Variants in ANKRD11 observed in about 807,000 individuals in gnomAD.
ANKRD11 encodes ankyrin repeat domain 11, also known as ankyrin repeat domain-containing protein 11.
Under a neutral mutation model 195.7 loss-of-function variants are expected in ANKRD11, and 17 were observed. The ratio of observed to expected loss-of-function variants is 0.09; its 90% CI spans 0.06 to 0.13. The LOEUF (loss-of-function observed/expected upper bound fraction) is 0.13. ANKRD11 is among the 10% of genes least tolerant of loss of function. The pLI is 1.00. For synonymous variants in ANKRD11, 1,953 were observed against 1,528.1 expected (o/e 1.28, Z -6.49); for missense variants, 3,735 against 3,566.1 (o/e 1.05, Z -1.21).
intron 1 of ANKRD11, among the ~76,000 whole-genome samples, chr16:89,474,192 C>T (rs2057180345): frequency 6.6e-6 from 1 of 152,156 alleles, no homozygotes; most frequent in Non-Finnish European, 1.5e-5. Context: ...CACAGTCCCA[C>T]CCAACACCTA....
At position 89,401,081 on chromosome 16, in the gene ANKRD11, C is replaced by G. The variant is rs71396913; in HGVS notation, c.-60+17203G>C. On this transcript the variant is annotated intron_variant, in intron 2 of 12. Transcript: ENST00000301030. Reference sequence around the variant, plus strand: ...GTTGTCTCAGTAATGTTATATATTTCTCTCTCCCCCCCACCCGCCCTCCCC... The same window carrying G: ...GTTGTCTCAGTAATGTTATATATTTGTCTCTCCCCCCCACCCGCCCTCCCC... Among the ~76,000 whole-genome samples, 17 of 150,946 alleles carry G rather than the reference C, an allele frequency of 1.1e-4. No homozygotes were observed. The East Asian group carries it at 3.2e-3, about 28-fold the overall frequency.
intron 2 of ANKRD11, among the ~76,000 whole-genome samples, chr16:89,379,213 G>A (rs2040544798): frequency 6.6e-6 from 1 of 152,238 alleles, no homozygotes; most frequent in Admixed American, 6.5e-5. Flanking sequence ...TAGAAGGGGT[G>A]CACACCGTCT....
At chr16:89,437,126 C>T (rs761288084) in intron 1 of ANKRD11, among the ~76,000 whole-genome samples, 1 of 152,156 alleles carries the variant, frequency 6.6e-6, no homozygotes, top group East Asian at 1.9e-4. Flanking sequence ...ATTTTCACAA[C>T]AGGGAAGGGA....
At chr16:89,372,259 G>C (rs3114863) in intron 2 of ANKRD11, among the ~76,000 whole-genome samples, 84,714 of 152,138 alleles carry the variant, frequency 0.56, 24,812 homozygotes, top group East Asian at 0.72. Flanking sequence ...CCTGCAGCCC[G>C]AGCCTCTCAC....
At chr16:89,345,012 G>C (rs375990440) in intron 2 of ANKRD11, among the ~76,000 whole-genome samples, 1 of 152,186 alleles carries the variant, frequency 6.6e-6, no homozygotes, top group South Asian at 2.1e-4. Flanking sequence ...GCGCAGATGA[G>C]GCAGGAGGAA....
intron 1 of ANKRD11, among the ~76,000 whole-genome samples, chr16:89,422,729 C>G (rs555391608): frequency 6.6e-6 from 1 of 152,156 alleles, no homozygotes; most frequent in Non-Finnish European, 1.5e-5. Context: ...AGACCTGATG[C>G]TTATTTTTGG....
intron 4 of ANKRD11, among the ~76,000 whole-genome samples, chr16:89,294,132 G>A (rs1177438241): frequency 6.6e-6 from 1 of 152,156 alleles, no homozygotes; most frequent in Non-Finnish European, 1.5e-5. Context: ...CTCCCCACCA[G>A]GCCCTCCCTC....
intron 2 of ANKRD11, among the ~76,000 whole-genome samples, chr16:89,330,505 G>T (rs567591271): frequency 8.7e-4 from 133 of 152,216 alleles, no homozygotes; most frequent in African/African-American, 3.0e-3. Context: ...GCTACGTGAG[G>T]GTCCCCGTGA....
chr16:89,447,810 T>C (rs906482969), intron 1 of ANKRD11, among the ~76,000 whole-genome samples: 4 of 150,584 alleles, frequency 2.7e-5, no homozygotes, highest in African/African-American at 7.3e-5. Flanking sequence ...TTTTCTTTTT[T>C]TTTTTTTTTT....
intron 1 of ANKRD11, among the ~76,000 whole-genome samples, chr16:89,450,657 T>C (rs1300327723): frequency 2.0e-5 from 3 of 152,142 alleles, no homozygotes; most frequent in African/African-American, 7.2e-5. Flanking sequence ...CTCCAAATTC[T>C]CAAAACATTC....
At chr16:89,268,685 G>GA (rs1567533360) in intron 12 of ANKRD11, 22 bp from the exon 13 acceptor site, 3 of 1,565,420 alleles carry the variant, frequency 1.9e-6, no homozygotes, top group Admixed American at 1.9e-5. Context: ...ACAGCGGGGA[G>GA]AGGAGGGAGG....
At chr16:89,322,510 G>C (rs921478386) in intron 2 of ANKRD11, among the ~76,000 whole-genome samples, 4 of 152,232 alleles carry the variant, frequency 2.6e-5, no homozygotes, top group Non-Finnish European at 5.9e-5. Flanking sequence ...AGAGGCCCAG[G>C]AGGAGGAAGA....
chr16:89,284,843 C>T lies in ANKRD11; in HGVS notation c.1699G>A (p.Asp567Asn). The T allele has an allele frequency of 6.2e-7, 1 of 1,613,990 alleles. No homozygotes were observed. Among genetic ancestry groups the T allele is most frequent in the Non-Finnish European group, 8.5e-7 (1 of 1,180,038 alleles). Residue 567 changes from aspartate (D) to asparagine (N), a missense_variant, in exon 9 of 13, where the codon GAC becomes AAC. Asp to Asn is a conservative substitution (Grantham distance 23, BLOSUM62 1). Coordinates refer to ENST00000301030, the MANE Select transcript of ANKRD11 (RefSeq NM_013275.6). ...CTTGTCAGTCTCGTCCTTGTGGAGT[C>T]TGATAAAGAACTGACCTCTGACCAA... ...PAWSEVSSLS[D>N]STRTRLTSES...
chr16:89,324,255 G>C (rs2037553249), intron 2 of ANKRD11: 1 of 1,227,220 alleles, frequency 8.1e-7, no homozygotes, highest in African/African-American at 1.6e-5. Flanking sequence ...TGGTCACTGG[G>C]CTGTGGAACA....
In ANKRD11 at chr16:89,428,108, T is replaced by C. The variant is rs534917516; in HGVS notation, c.-144-9740A>G. Among the ~76,000 whole-genome samples, 5 of 151,784 alleles carry C rather than the reference T, an allele frequency of 3.3e-5. No individual in the cohort carries two copies. In the South Asian group the frequency reaches 1.0e-3, roughly 32 times the overall value. On this transcript the variant is annotated intron_variant, in intron 1 of 12. Coordinates refer to ENST00000301030, the MANE Select transcript of ANKRD11 (RefSeq NM_013275.6). ...CTGTAATCCCAGCTACTCGGGAGGC[T>C]GAGGTGGGAGAATCACTTGAACCCA... is the stretch of plus-strand genomic sequence containing the variant.
intron 2 of ANKRD11, among the ~76,000 whole-genome samples, chr16:89,374,474 CCAGTA>C (rs1444599527): frequency 2.0e-5 from 3 of 152,132 alleles, no homozygotes; most frequent in African/African-American, 4.8e-5. Flanking sequence ...ACTAATCGGC[CCAGTA>C]CAGAAAAAGC....
At chr16:89,388,821 G>A (rs542892208) in intron 2 of ANKRD11, among the ~76,000 whole-genome samples, 1 of 152,316 alleles carries the variant, frequency 6.6e-6, no homozygotes, top group South Asian at 2.1e-4. Context: ...CACTGCCACA[G>A]CCCGGGGAAT....
chr16:89,357,828 C>T (rs752794758), intron 2 of ANKRD11, among the ~76,000 whole-genome samples: 18 of 152,208 alleles, frequency 1.2e-4, no homozygotes, highest in Non-Finnish European at 2.4e-4. Flanking sequence ...CACAGGACAA[C>T]GCTGCTGAAG....
At chr16:89,431,269 C>T (rs904000820) in intron 1 of ANKRD11, 3 of 152,550 alleles carry the variant, frequency 2.0e-5, no homozygotes, top group Non-Finnish European at 4.4e-5. Flanking sequence ...TCTGCATCAG[C>T]TCTGCGTTGT....
Sources: gnomAD v4.1 joint callset for allele counts (sites outside exome capture counted in the v4.1 genomes callset) on GRCh38, gnomAD v4.1.1 for gene constraint, MANE v1.5 for transcripts, NCBI Gene and HGNC (gene_info 2026-07-23, HGNC 2026-07-21) for gene names.